GATA4: variants seen among roughly 807,000 people sequenced by gnomAD.
The protein encoded by GATA4 is GATA binding protein 4.
GATA4 carries 7 observed loss-of-function variants against 37.9 expected under a neutral mutation model. The ratio of observed to expected loss-of-function variants is 0.18; its 90% CI spans 0.11 to 0.35. GATA4 has a LOEUF of 0.35. Among genes scored for constraint, GATA4 ranks in the 10% least tolerant of loss-of-function variants. The probability of loss-of-function intolerance (pLI) is 1.00; values close to 1 mark genes in which losing one functional copy is unlikely to be tolerated. For synonymous variants in GATA4, 372 were observed against 292.6 expected (o/e 1.27, Z -2.77); for missense variants, 647 against 653.0 (o/e 0.99, Z 0.10).
intron 2 of GATA4, among the ~76,000 whole-genome samples, chr8:11,729,653 G>A (rs1051569215): frequency 3.3e-5 from 5 of 152,130 alleles, no homozygotes; most frequent in African/African-American, 7.2e-5. Flanking sequence ...CCCTCACAGC[G>A]TTGGTCTCTA....
chr8:11,748,050 C>G (rs1802114230), intron 2 of GATA4, among the ~76,000 whole-genome samples: 1 of 151,946 alleles, frequency 6.6e-6, no homozygotes, highest in Non-Finnish European at 1.5e-5. Flanking sequence ...GAAACCCCGT[C>G]TCTACTAAAA....
intron 1 of GATA4, among the ~76,000 whole-genome samples, chr8:11,679,313 G>A (rs935900029): frequency 6.6e-6 from 1 of 152,162 alleles, no homozygotes; most frequent in Non-Finnish European, 1.5e-5. Context: ...TCTCAGACTC[G>A]GGGATGGGGG....
intron 1 of GATA4, chr8:11,680,481 G>A (rs1342860558): frequency 3.0e-6 from 3 of 985,366 alleles, no homozygotes; most frequent in African/African-American, 1.7e-5. Flanking sequence ...TGCTTTGGAT[G>A]CATTTCGATC....
At position 11,707,767 on chromosome 8, in the gene GATA4, G is replaced by C. The variant is rs932898650; in HGVS notation, c.-457-89G>C. 6.2e-6 allele frequency: 1 copy of C among 162,058 alleles called. No homozygotes were observed. The highest frequency in any genetic ancestry group is 2.4e-5 in the African/African-American group (1 of 41,504). 10.0% of individuals were successfully genotyped at this position (162,058 alleles called of 1,614,324 possible). On this transcript the variant is annotated intron_variant, in intron 1 of 6. Coordinates refer to ENST00000532059, the MANE Select transcript of GATA4 (RefSeq NM_001308093.3). This position sits in a 1 kb window ranked among gnomAD's most constrained non-coding sequence, Gnocchi z 4.7. The stretch of plus-strand genomic sequence containing the variant: ...AATCCCCGTGGCGACTTCATTTGAA[G>C]CGTGGAAGAAGCAACCACGCAAGTG...
rs371505734 is a variant in GATA4 at position 11,719,459 on chromosome 8, G to A, written c.616+10531G>A. On this transcript the variant is annotated intron_variant, in intron 2 of 6. Transcript: ENST00000532059. ...TTTTAAAAAAGAAAATGCTTTCCAG[G>A]CAAAAATGGCTTCAGAGAAACACGT... is the stretch of plus-strand genomic sequence containing the variant. Among the ~76,000 whole-genome samples the A allele has an allele frequency of 5.3e-5, 8 of 151,976 alleles. No homozygotes were observed. In the East Asian group the frequency reaches 1.3e-3, roughly 26 times the overall value.
upstream of GATA4, chr8:11,700,749 A>G (rs1005647878): frequency 2.0e-5 from 3 of 152,252 alleles, no homozygotes; most frequent in African/African-American, 7.2e-5. Context: ...GCGCGTCCAT[A>G]TCTTGGAGGA....
At chr8:11,717,086 A>G (rs753484219) in intron 2 of GATA4, among the ~76,000 whole-genome samples, 3 of 152,226 alleles carry the variant, frequency 2.0e-5, no homozygotes, top group Non-Finnish European at 2.9e-5. Context: ...TCGCTCTGCT[A>G]TATTGACCTC....
intron 2 of GATA4, among the ~76,000 whole-genome samples, chr8:11,741,285 C>G (rs916678785): frequency 6.6e-6 from 1 of 152,162 alleles, no homozygotes; most frequent in East Asian, 1.9e-4. Context: ...CAAGATCAGC[C>G]TGGGCAACAT....
chr8:11,702,956 G>T (rs1472521362), upstream of GATA4, among the ~76,000 whole-genome samples: 1 of 152,234 alleles, frequency 6.6e-6, no homozygotes, highest in Non-Finnish European at 1.5e-5. The surrounding 1 kb of genome is among the most constrained non-coding windows in gnomAD (Gnocchi z 4.4). Context: ...CCCATGGGGG[G>T]TTTCCTTCTA....
chr8:11,696,847 C>G (rs1371631878), intron 1 of GATA4, among the ~76,000 whole-genome samples: 1 of 152,238 alleles, frequency 6.6e-6, no homozygotes, highest in Non-Finnish European at 1.5e-5. Context: ...GCAAGTAAGT[C>G]TTTCATTTAC....
At chr8:11,695,203 C>G (rs182337964) in intron 1 of GATA4, among the ~76,000 whole-genome samples, 1 of 152,112 alleles carries the variant, frequency 6.6e-6, no homozygotes, top group African/African-American at 2.4e-5. Context: ...GCTGGGAGTT[C>G]GAGACCAGCC....
At chr8:11,689,678 A>G (rs1305276545), upstream of GATA4, among the ~76,000 whole-genome samples, 2 of 152,070 alleles carry the variant, frequency 1.3e-5, no homozygotes, top group Admixed American at 1.3e-4. Context: ...CTCATCCTCA[A>G]GCCCTCACCC....
intron 2 of GATA4, among the ~76,000 whole-genome samples, chr8:11,724,424 A>G (rs1162275765): frequency 1.3e-5 from 2 of 152,170 alleles, no homozygotes; most frequent in African/African-American, 4.8e-5. Context: ...TATATCCTTC[A>G]TGGCATCTTT....
intron 1 of GATA4, among the ~76,000 whole-genome samples, chr8:11,686,930 G>A (rs1408114724): frequency 2.0e-5 from 3 of 152,040 alleles, no homozygotes; most frequent in Admixed American, 1.3e-4. Context: ...CCCGGGAGGC[G>A]GAGGTTGCAG....
At chr8:11,687,474 T>TCTGTG (rs149500306) in intron 1 of GATA4, among the ~76,000 whole-genome samples, 109 of 152,294 alleles carry the variant, frequency 7.2e-4, no homozygotes, top group African/African-American at 2.5e-3. Flanking sequence ...CAAACAGAGC[T>TCTGTG]CTGTGCCCTC....
intron 6 of GATA4, 72 bp downstream of exon 6, chr8:11,757,155 G>C: frequency 6.3e-7 from 1 of 1,588,798 alleles, no homozygotes; most frequent in East Asian, 2.3e-5. Context: ...GGCCAGCCTA[G>C]TACTGGGTGG....
intron 2 of GATA4, among the ~76,000 whole-genome samples, chr8:11,736,110 TATGTTGCCCAGGCTGGTATTGA>T (rs1801440609): frequency 6.6e-6 from 1 of 151,488 alleles, no homozygotes; most frequent in African/African-American, 2.4e-5. Context: ...GTGGTGTTAC[TATGTTGCCCAGGCTGGTATTGA>T]ACTCCTGAGC....
intron 1 of GATA4, among the ~76,000 whole-genome samples, chr8:11,693,897 G>A (rs1234705657): frequency 1.3e-5 from 2 of 152,178 alleles, no homozygotes; most frequent in Non-Finnish European, 2.9e-5. Flanking sequence ...CCCAACTCAG[G>A]CCACAGCCTG....
At chr8:11,725,434 A>G (rs1014837192) in intron 2 of GATA4, among the ~76,000 whole-genome samples, 1 of 152,258 alleles carries the variant, frequency 6.6e-6, no homozygotes, top group Non-Finnish European at 1.5e-5. Context: ...CCCCACCTTC[A>G]GAAGCCTCCG....
Sources: gnomAD v4.1 joint callset for allele counts (sites outside exome capture counted in the v4.1 genomes callset) on GRCh38, gnomAD v4.1.1 for gene constraint, Gnocchi (gnomAD v3.1) non-coding constraint, MANE v1.5 for transcripts, NCBI Gene and HGNC (gene_info 2026-07-23, HGNC 2026-07-21) for gene names.